Variants in UBR3 observed in about 807,000 individuals in gnomAD.
The protein encoded by UBR3 is ubiquitin protein ligase E3 component n-recognin 3.
UBR3 carries 85 observed loss-of-function variants against 243.2 expected under a neutral mutation model. The ratio of observed to expected loss-of-function variants is 0.35; its 90% confidence interval spans 0.29 to 0.42. UBR3 has a LOEUF of 0.42. UBR3 is among the 10% of genes least tolerant of loss of function. The pLI is 1.00. For missense variants in UBR3, 1,686 were observed against 2,300.8 expected (o/e 0.73, Z 5.47); for synonymous variants, 748 against 799.8 (o/e 0.94, Z 1.09).
At chr2:169,859,190 G>A (rs2082997602) in intron 1 of UBR3, among the ~76,000 whole-genome samples, 1 of 145,310 alleles carries the variant, frequency 6.9e-6, no homozygotes, top group South Asian at 2.2e-4. Context: ...TCCTGCTTCA[G>A]CCTCCCAAGT....
intron 6 of UBR3, among the ~76,000 whole-genome samples, chr2:169,892,788 C>T (rs1243595737): frequency 2.0e-5 from 3 of 152,274 alleles, no homozygotes; most frequent in East Asian, 1.9e-4. Context: ...AGAGGCCAGA[C>T]ACTATGCTAA....
At chr2:169,992,153 A>G (rs2089302543) in intron 25 of UBR3, among the ~76,000 whole-genome samples, 1 of 152,230 alleles carries the variant, frequency 6.6e-6, no homozygotes, top group Admixed American at 6.5e-5. Flanking sequence ...AAAAAATTAG[A>G]TGACGTGGAT....
chr2:169,830,462 T>C (rs1346239023), intron 1 of UBR3, among the ~76,000 whole-genome samples: 1 of 152,160 alleles, frequency 6.6e-6, no homozygotes, highest in Non-Finnish European at 1.5e-5. Context: ...CTGAGATTAT[T>C]ACTTTTATTA....
chr2:169,876,736 G>A (rs1214611655), intron 3 of UBR3, among the ~76,000 whole-genome samples: 1 of 151,902 alleles, frequency 6.6e-6, no homozygotes, highest in Non-Finnish European at 1.5e-5. Flanking sequence ...TTTAATTTTT[G>A]TATTTTTGTA....
intron 1 of UBR3, among the ~76,000 whole-genome samples, chr2:169,836,023 CTCTCTCTCTCTCTCTCTCTCTATATATA>C (rs1284759631): frequency 2.4e-4 from 7 of 29,070 alleles, no homozygotes; most frequent in Admixed American, 4.9e-4. Flanking sequence ...CTCTCTCTCT[CTCTCTCTCTCTCTCTCTCTCTATATATA>C]TATATATATA....
Position 170,017,568 on chromosome 2 carries a change from CACACACACACACACAG to C in UBR3, c.4453+2203_4453+2218del, listed in dbSNP as rs1197029250. The stretch of plus-strand genomic sequence containing the variant: ...ACAGACACACACACACACACACACA[CACACACACACACACAG>C]GGGGAGAAGGGAAGATTGTTCTTTC... On this transcript the variant is annotated intron_variant, in intron 30 of 38. Transcript: ENST00000272793. Among the ~76,000 whole-genome samples the C allele has an allele frequency of 5.9e-3, 850 of 142,966 alleles. 8 individuals are homozygous for C. The highest frequency in any genetic ancestry group is 0.022 in the African/African-American group (797 of 36,376). The allele number at this position is 142,966 out of a possible 152,430, so 93.8% of individuals were successfully genotyped here. A position where few individuals can be genotyped will look rare whatever the true frequency, so the allele number is the denominator to read the frequency against.
chr2:169,994,860 C>T lies in UBR3; in HGVS notation c.3918+404C>T, dbSNP rs181139632. Among the ~76,000 whole-genome samples, 292 of 152,216 alleles carry T rather than the reference C, an allele frequency of 1.9e-3. 1 individual carries two copies. The highest frequency in any genetic ancestry group is 3.4e-3 in the Non-Finnish European group (229 of 68,004). On this transcript the variant is annotated intron_variant, in intron 26 of 38. Coordinates refer to ENST00000272793, the MANE Select transcript of UBR3 (RefSeq NM_172070.4). ...GTTTTGTCTGGGTATTCCAGTTCTT[C>T]CTACTTCTCAAAGATGTGCTGCACA... is the stretch of plus-strand genomic sequence containing the variant.
chr2:170,050,055 A>G (rs554028502), intron 32 of UBR3, among the ~76,000 whole-genome samples: 1 of 152,302 alleles, frequency 6.6e-6, no homozygotes, highest in East Asian at 1.9e-4. Flanking sequence ...AATTGCCTGA[A>G]GTATACCCAA....
intron 11 of UBR3, among the ~76,000 whole-genome samples, chr2:169,914,904 A>G (rs1299526642): frequency 2.6e-5 from 4 of 151,520 alleles, no homozygotes; most frequent in Non-Finnish European, 5.9e-5. Context: ...AAAATTTTTG[A>G]CACAATCACA....
chr2:169,964,340 G>C (rs2087713865), intron 24 of UBR3: 10 of 452,154 alleles, frequency 2.2e-5, no homozygotes, highest in South Asian at 1.5e-4. Flanking sequence ...TAAGAGAAAA[G>C]CTTAATTAAT....
At chr2:169,869,913 T>G (rs969052632) in intron 1 of UBR3, among the ~76,000 whole-genome samples, 6 of 152,158 alleles carry the variant, frequency 3.9e-5, no homozygotes, top group African/African-American at 1.4e-4. Flanking sequence ...TATTAATCTT[T>G]TATCTCATTT....
intron 33 of UBR3, among the ~76,000 whole-genome samples, chr2:170,058,319 G>A (rs1461636564): frequency 6.6e-6 from 1 of 151,766 alleles, no homozygotes; most frequent in East Asian, 1.9e-4. Context: ...TAAAAATATC[G>A]GTATTATATA....
At position 169,896,677 on chromosome 2, in the gene UBR3, T is replaced by C; in HGVS notation, c.1407T>C (p.Ile469=). Residue 469 remains isoleucine, a synonymous_variant, in exon 8 of 39, where the codon ATT becomes ATC. Transcript: ENST00000272793. ...CAGAAGAATGTCAGCTGCTGGATAT[T>C]ATGGTCACTGTGCTATTATACATGA... The part of the protein sequence containing the change: ...QVTEECQLLD[I]MVTVLLYMME... The C allele has an allele frequency of 2.6e-6, 4 of 1,551,268 alleles. No individual in the cohort carries two copies. The highest frequency in any genetic ancestry group is 3.5e-6 in the Non-Finnish European group (4 of 1,146,770).
chr2:169,937,031 A>G (rs902228305), intron 19 of UBR3, among the ~76,000 whole-genome samples: 2 of 152,210 alleles, frequency 1.3e-5, no homozygotes, highest in African/African-American at 4.8e-5. Flanking sequence ...CTTTGGGTAT[A>G]TACCCAGTAA....
intron 6 of UBR3, among the ~76,000 whole-genome samples, chr2:169,893,990 A>G (rs1036192499): frequency 1.3e-5 from 2 of 151,892 alleles, no homozygotes; most frequent in African/African-American, 4.8e-5. Flanking sequence ...ATTTCTTGCA[A>G]TCTTGGTTTT....
chr2:170,042,688 CAAAAAA>C (rs59694680), intron 32 of UBR3, among the ~76,000 whole-genome samples: 1 of 91,588 alleles, frequency 1.1e-5, no homozygotes. Context: ...TACTCTGCCT[CAAAAAA>C]AAAAAAAAAA....
At chr2:169,991,669 G>A (rs530680699) in intron 25 of UBR3, among the ~76,000 whole-genome samples, 5 of 152,174 alleles carry the variant, frequency 3.3e-5, no homozygotes, top group East Asian at 1.9e-4. Flanking sequence ...TGCAAGCTCC[G>A]TTTCCTGGGT....
intron 11 of UBR3, among the ~76,000 whole-genome samples, chr2:169,921,204 G>A (rs1156518557): frequency 1.3e-5 from 2 of 152,156 alleles, no homozygotes; most frequent in African/African-American, 4.8e-5. Flanking sequence ...GTTTGGTTTG[G>A]ACACGCTGTA....
chr2:169,845,496 TCGTCA>T (rs2082436719), intron 1 of UBR3, among the ~76,000 whole-genome samples: 15 of 38,132 alleles, frequency 3.9e-4, no homozygotes, highest in Admixed American at 1.1e-3. Context: ...TCCCTCTTCG[TCGTCA>T]TCGTCGTCGT....
Sources: gnomAD v4.1 joint callset for allele counts (sites outside exome capture counted in the v4.1 genomes callset) on GRCh38, gnomAD v4.1.1 for gene constraint, MANE v1.5 for transcripts, NCBI Gene and HGNC (gene_info 2026-07-23, HGNC 2026-07-21) for gene names.